SCN1A: variants seen among roughly 807,000 people sequenced by gnomAD.
The protein encoded by SCN1A is sodium channel protein type 1 subunit alpha.
In SCN1A, 13 loss-of-function variants were observed where a neutral mutation model predicts 193.7. That is an observed-to-expected ratio of 0.07 (90% CI 0.04 to 0.11). The LOEUF (loss-of-function observed/expected upper bound fraction) is 0.11, where lower values mean the gene tolerates loss of function less well. SCN1A is among the 10% of genes least tolerant of loss of function. SCN1A has a pLI of 1.00. For synonymous variants in SCN1A, 781 were observed against 843.6 expected, an observed-to-expected ratio of 0.93 and a Z score of 1.29; for missense variants, 1,432 against 2,451.1, an observed-to-expected ratio of 0.58 and a Z score of 8.78.
chr2:166,024,110 A>G (rs1231770498), intron 19 of SCN1A, among the ~76,000 whole-genome samples: 1 of 151,858 alleles, frequency 6.6e-6, no homozygotes, highest in African/African-American at 2.4e-5. Flanking sequence ...GTGGTGGTGC[A>G]TGCTACTTTG....
chr2:166,085,419 C>A (rs1686002823), intron 2 of SCN1A, among the ~76,000 whole-genome samples: 1 of 152,124 alleles, frequency 6.6e-6, no homozygotes, highest in African/African-American at 2.4e-5. Context: ...CTGCAGAATT[C>A]TGTGTGGAAT....
At chr2:166,147,142 C>G (rs1474791668) in intron 1 of SCN1A, among the ~76,000 whole-genome samples, 2 of 152,104 alleles carry the variant, frequency 1.3e-5, no homozygotes, top group Non-Finnish European at 2.9e-5. Flanking sequence ...GCATTCCTAG[C>G]AAGTTCCCAG....
intron 2 of SCN1A, among the ~76,000 whole-genome samples, chr2:166,083,802 G>A (rs945885483): frequency 2.6e-5 from 4 of 152,276 alleles, no homozygotes; most frequent in African/African-American, 9.6e-5. Flanking sequence ...TTGAACAAAT[G>A]TCATTAGTTT....
At position 165,989,754 on chromosome 2, in the gene SCN1A, G is replaced by A. The variant is rs1267773572; in HGVS notation, c.*1491C>T. 5 of 152,478 alleles carry A rather than the reference G, an allele frequency of 3.3e-5. No homozygotes were observed. The allele number at this position is 152,478 out of a possible 1,614,324, so 9.4% of individuals were successfully genotyped here. On this transcript the variant is annotated 3_prime_UTR_variant, in exon 29 of 29. Transcript: ENST00000674923. ...AAAGTGATTGTGATATCAACCTGAAGATAATTTCCTCTTCATATTTATGTA... is the reference window on the plus strand; with the variant it reads ...AAAGTGATTGTGATATCAACCTGAAAATAATTTCCTCTTCATATTTATGTA...
intron 23 of SCN1A, chr2:166,002,965 A>G: frequency 2.7e-6 from 1 of 369,554 alleles, no homozygotes; most frequent in South Asian, 9.1e-5. Context: ...CAATATAACC[A>G]AGAAATGAAA....
At chr2:166,033,176 A>G (rs947864097) in intron 19 of SCN1A, among the ~76,000 whole-genome samples, 1 of 152,150 alleles carries the variant, frequency 6.6e-6, no homozygotes, top group Non-Finnish European at 1.5e-5. Context: ...TATCTCTGGG[A>G]ACCAAAAAAG....
Position 166,073,384 on chromosome 2 carries a change from G to A in SCN1A, c.238C>T (p.Leu80=). The change falls in exon 4 of 29, where the codon CTG becomes TTG. Residue 80 remains leucine, a synonymous_variant. Transcript: ENST00000674923. The part of the protein sequence containing the change: ...PEMVSEPLED[L]DPYYINKKTF... ...TTCTTATTGATATAGTAGGGGTCCA[G>A]GTCCTCCAGGGGCTCTGACACCATC... is the stretch of plus-strand genomic sequence containing the variant. 1 of 1,614,108 alleles carries A rather than the reference G, an allele frequency of 6.2e-7. No individual in the cohort carries two copies.
chr2:166,027,077 A>G (rs1358960741), intron 19 of SCN1A: 1 of 152,214 alleles, frequency 6.6e-6, no homozygotes, highest in Non-Finnish European at 1.5e-5. Flanking sequence ...TAAATTATAC[A>G]CTTATACACT....
intron 2 of SCN1A, among the ~76,000 whole-genome samples, chr2:166,093,621 G>A (rs1032531593): frequency 1.3e-5 from 2 of 152,148 alleles, no homozygotes; most frequent in Non-Finnish European, 2.9e-5. Context: ...GGGATTACAG[G>A]CGTGAGCCAC....
chr2:166,028,569 T>C (rs549298409), intron 19 of SCN1A, among the ~76,000 whole-genome samples: 1 of 152,200 alleles, frequency 6.6e-6, no homozygotes, highest in Non-Finnish European at 1.5e-5. Context: ...CTGACCTCCT[T>C]AGGCTTTAGG....
chr2:166,131,561 C>T (rs1247881653), upstream of SCN1A, among the ~76,000 whole-genome samples: 2 of 152,040 alleles, frequency 1.3e-5, no homozygotes, highest in Non-Finnish European at 2.9e-5. Context: ...AAAAGCTGGG[C>T]CAGGTAATTT....
chr2:166,018,981 A>C (rs1412424026), intron 19 of SCN1A, among the ~76,000 whole-genome samples: 2 of 152,176 alleles, frequency 1.3e-5, no homozygotes, highest in Non-Finnish European at 1.5e-5. Flanking sequence ...TATTTAAAAT[A>C]TGTTAAATGT....
At chr2:166,059,270 G>A (rs1399891904) in intron 4 of SCN1A, 1 of 152,452 alleles carries the variant, frequency 6.6e-6, no homozygotes, top group Non-Finnish European at 1.5e-5. Context: ...ATTGATTTCT[G>A]GAGGCCAAGA....
chr2:166,142,189 C>T (rs530851505), intron 1 of SCN1A, among the ~76,000 whole-genome samples: 1 of 152,200 alleles, frequency 6.6e-6, no homozygotes, highest in African/African-American at 2.4e-5. Flanking sequence ...GGCACACCTG[C>T]TAAAGAGGGA....
chr2:166,120,367 A>G (rs1422092349), intron 2 of SCN1A, among the ~76,000 whole-genome samples: 3 of 151,176 alleles, frequency 2.0e-5, no homozygotes, highest in African/African-American at 7.3e-5. Flanking sequence ...AAGGAAAAAC[A>G]TGTTTGTTTT....
intron 24 of SCN1A, 152 bp from the exon 25 acceptor site, chr2:165,999,928 ATT>A: frequency 1.4e-6 from 1 of 694,650 alleles, no homozygotes; most frequent in African/African-American, 1.8e-5. Context: ...CCAAGACAGT[ATT>A]TTAGTATGGC....
At position 166,036,475 on chromosome 2, in the gene SCN1A, G is replaced by C. The variant is rs769310588; in HGVS notation, c.3002C>G (p.Ala1001Gly). The C allele has an allele frequency of 6.2e-7, 1 of 1,612,012 alleles. No individual in the cohort carries two copies. Among genetic ancestry groups the C allele is most frequent in the Non-Finnish European group, 8.5e-7 (1 of 1,179,366 alleles). ...CATTTCATTATCATCATCAGTGGCT[G>C]CAAGGTTGTCTGCACTAAATGAGCT... ...LLSSFSADNL[A>G]ATDDDNEMNN... is the part of the protein sequence containing the mutation. The change falls in exon 19 of 29, where the codon GCA becomes GGA. Residue 1001 changes from alanine (A) to glycine (G), a missense_variant. By Grantham distance (60) the Ala-to-Gly change is moderately conservative (BLOSUM62 0). Coordinates refer to ENST00000674923, the MANE Select transcript of SCN1A (RefSeq NM_001165963.4).
chr2:166,095,011 A>G (rs781715830), intron 2 of SCN1A, among the ~76,000 whole-genome samples: 4 of 152,206 alleles, frequency 2.6e-5, no homozygotes, highest in Non-Finnish European at 4.4e-5. Context: ...ATTCTGCTTT[A>G]TATTGTATTT....
intron 2 of SCN1A, among the ~76,000 whole-genome samples, chr2:166,115,280 A>C (rs1323167693): frequency 1.3e-5 from 2 of 152,090 alleles, no homozygotes; most frequent in African/African-American, 4.8e-5. Context: ...AATTGCTTGA[A>C]CCCAGGAAGT....
Sources: gnomAD v4.1 joint callset for allele counts (sites outside exome capture counted in the v4.1 genomes callset) on GRCh38, gnomAD v4.1.1 for gene constraint, MANE v1.5 for transcripts, NCBI Gene and HGNC (gene_info 2026-07-23, HGNC 2026-07-21) for gene names.